CALD1: variants seen among roughly 807,000 people sequenced by gnomAD.
CALD1 encodes caldesmon.
CALD1 carries 33 observed loss-of-function variants against 99.9 expected under a neutral mutation model. That is an observed-to-expected ratio of 0.33 (90% CI 0.25 to 0.44). CALD1 has a LOEUF of 0.44. Among genes scored for constraint, CALD1 ranks in the 20% least tolerant of loss-of-function variants. CALD1 has a pLI of 1.00. For synonymous variants in CALD1, 310 were observed against 325.0 expected (o/e 0.95, Z 0.50); for missense variants, 861 against 962.1 (o/e 0.89, Z 1.39).
chr7:134,873,800 C>T (rs1205650811), intron 3 of CALD1, among the ~76,000 whole-genome samples: 2 of 152,106 alleles, frequency 1.3e-5, no homozygotes, highest in Admixed American at 1.3e-4. Flanking sequence ...AAAGTATCCA[C>T]CTCACTGGGT....
At chr7:134,791,317 C>T (rs1356729043) in intron 1 of CALD1, among the ~76,000 whole-genome samples, 2 of 152,308 alleles carry the variant, frequency 1.3e-5, no homozygotes, top group East Asian at 1.9e-4. Flanking sequence ...TCACCTCAGC[C>T]TCCTGAGTAG....
chr7:134,952,844 C>T (rs1324644757), intron 9 of CALD1, among the ~76,000 whole-genome samples: 2 of 152,138 alleles, frequency 1.3e-5, no homozygotes, highest in African/African-American at 4.8e-5. Flanking sequence ...TACTTGAACC[C>T]TTGTCTCAAG....
the CALD1 span, among the ~76,000 whole-genome samples, chr7:134,711,680 A>ATATATGTG: frequency 2.8e-4 from 31 of 109,578 alleles, no homozygotes; most frequent in African/African-American, 1.2e-3. Context: ...ATATATATAT[A>ATATATGTG]TGTGTGTGTG....
chr7:134,825,105 T>C (rs1301241510), intron 1 of CALD1, among the ~76,000 whole-genome samples: 1 of 152,196 alleles, frequency 6.6e-6, no homozygotes, highest in African/African-American at 2.4e-5. Flanking sequence ...ATACTTATAA[T>C]GGAAAGAGGT....
At chr7:134,734,647 T>C in the CALD1 span, among the ~76,000 whole-genome samples, 2 of 152,176 alleles carry the variant, frequency 1.3e-5, no homozygotes, top group African/African-American at 4.8e-5. Context: ...CGAGCTGTTC[T>C]TGTGATAGTG....
At chr7:134,802,057 A>G (rs964979342) in intron 1 of CALD1, among the ~76,000 whole-genome samples, 3 of 152,180 alleles carry the variant, frequency 2.0e-5, no homozygotes, top group African/African-American at 7.2e-5. Flanking sequence ...AAATTTCCAC[A>G]CAGAGAAATA....
At chr7:134,960,360 G>A (rs1336104485) in intron 12 of CALD1, 173 bp from the exon 13 acceptor site, 7 of 646,690 alleles carry the variant, frequency 1.1e-5, no homozygotes, top group Non-Finnish European at 1.9e-5. Flanking sequence ...GAGTTGGAGT[G>A]GGGTGAGTTA....
chr7:134,775,543 C>G (rs900276130), upstream of CALD1, among the ~76,000 whole-genome samples: 10 of 152,070 alleles, frequency 6.6e-5, no homozygotes, highest in Admixed American at 2.6e-4. Context: ...AACCCTGTCT[C>G]TACTAAAAAT....
At chr7:134,844,540 C>G (rs1391954150) in intron 2 of CALD1, among the ~76,000 whole-genome samples, 1 of 152,178 alleles carries the variant, frequency 6.6e-6, no homozygotes, top group Non-Finnish European at 1.5e-5. Flanking sequence ...AGCTTGGCTC[C>G]AGTAGGTAGA....
intron 1 of CALD1, among the ~76,000 whole-genome samples, chr7:134,769,742 A>G (rs1376460076): frequency 6.6e-6 from 1 of 152,072 alleles, no homozygotes; most frequent in African/African-American, 2.4e-5. Flanking sequence ...GGTTCAAGCA[A>G]TTCTCCTGCC....
At chr7:134,714,433 T>G in the CALD1 span, among the ~76,000 whole-genome samples, 1 of 152,154 alleles carries the variant, frequency 6.6e-6, no homozygotes, top group Non-Finnish European at 1.5e-5. Context: ...TTCAAGTTTG[T>G]CCACTTCTCC....
At chr7:134,847,998 C>T (rs1404559160) in intron 2 of CALD1, among the ~76,000 whole-genome samples, 1 of 152,114 alleles carries the variant, frequency 6.6e-6, no homozygotes, top group East Asian at 1.9e-4. Flanking sequence ...TGCTTCTGAA[C>T]TCTGCTTTAG....
intron 13 of CALD1, 182 bp from the exon 14 acceptor site, chr7:134,965,124 T>TA (rs1485990124): frequency 1.9e-5 from 10 of 516,530 alleles, no homozygotes; most frequent in Non-Finnish European, 2.5e-5. Flanking sequence ...TCAAAAAAAA[T>TA]AAAAAAATAA....
At chr7:134,785,519 G>A (rs539185386) in intron 1 of CALD1, among the ~76,000 whole-genome samples, 2 of 152,268 alleles carry the variant, frequency 1.3e-5, no homozygotes, top group East Asian at 3.9e-4. Flanking sequence ...CTTAATCACT[G>A]GAAGTTTCAG....
rs1302955230 is a variant in CALD1 at position 134,759,705 on chromosome 7, CA to C, written c.-130+15343del. On this transcript the variant is annotated intron_variant, in intron 1 of 13. Coordinates refer to the CALD1 transcript ENST00000417172. Reference sequence around the variant, plus strand: ...TATTTGTAGATGACTAACCTTTATCCATGAACCATTCATCCTACCATGTGCC... The same window carrying C: ...TATTTGTAGATGACTAACCTTTATCCTGAACCATTCATCCTACCATGTGCC... Among the ~76,000 whole-genome samples, 37 of 152,320 alleles carry C rather than the reference CA, an allele frequency of 2.4e-4. 2 individuals carry two copies. The highest frequency in any genetic ancestry group is 8.9e-4 in the African/African-American group (37 of 41,582).
intron 1 of CALD1, among the ~76,000 whole-genome samples, chr7:134,795,926 T>A (rs1314217311): frequency 6.6e-6 from 1 of 152,234 alleles, no homozygotes; most frequent in East Asian, 1.9e-4. Flanking sequence ...CTGACCCACC[T>A]GTGTCTGAGT....
upstream of CALD1, among the ~76,000 whole-genome samples, chr7:134,740,427 C>T (rs1296237507): frequency 2.0e-5 from 3 of 151,958 alleles, no homozygotes; most frequent in Non-Finnish European, 4.4e-5. Flanking sequence ...TTTTTAGGTC[C>T]AAAAAAGAAT....
intron 3 of CALD1, among the ~76,000 whole-genome samples, chr7:134,868,973 T>C (rs577023639): frequency 2.0e-5 from 3 of 152,370 alleles, no homozygotes; most frequent in Admixed American, 1.3e-4. Flanking sequence ...GTCAGGTACC[T>C]AGCACATAGT....
chr7:134,756,099 C>A (rs1352176765), intron 1 of CALD1, among the ~76,000 whole-genome samples: 3 of 151,620 alleles, frequency 2.0e-5, no homozygotes, highest in Non-Finnish European at 4.4e-5. Context: ...CTATGTTGGC[C>A]AGACTCGTCT....
Sources: gnomAD v4.1 joint callset for allele counts (sites outside exome capture counted in the v4.1 genomes callset) on GRCh38, gnomAD v4.1.1 for gene constraint, MANE v1.5 for transcripts, NCBI Gene and HGNC (gene_info 2026-07-23, HGNC 2026-07-21) for gene names.